The following CKAP5 variants were observed in gnomAD, a reference collection of about 807,000 sequenced individuals.
CKAP5 encodes cytoskeleton-associated protein 5.
Under a neutral mutation model 232.8 loss-of-function variants are expected in CKAP5, and 27 were observed. That is an observed-to-expected ratio of 0.12 (90% CI 0.09 to 0.16). The LOEUF (loss-of-function observed/expected upper bound fraction) is 0.16, where lower values mean the gene tolerates loss of function less well. CKAP5 is among the 10% of genes least tolerant of loss of function. The pLI is 1.00. For synonymous variants in CKAP5, 785 were observed against 841.1 expected, an observed-to-expected ratio of 0.93 and a Z score of 1.16; for missense variants, 1,838 against 2,424.7, an observed-to-expected ratio of 0.76 and a Z score of 5.08.
At chr11:46,840,763 G>A (rs1210865480) in intron 1 of CKAP5, among the ~76,000 whole-genome samples, 1 of 152,142 alleles carries the variant, frequency 6.6e-6, no homozygotes, top group East Asian at 1.9e-4. Context: ...GCTGGAAAAT[G>A]TGTTTTCCTG....
intron 1 of CKAP5, among the ~76,000 whole-genome samples, chr11:46,828,298 T>C (rs1350248106): frequency 6.6e-6 from 1 of 152,126 alleles, no homozygotes; most frequent in Non-Finnish European, 1.5e-5. Context: ...AAGTAAAAAA[T>C]GGATTCAGAT....
intron 7 of CKAP5, among the ~76,000 whole-genome samples, chr11:46,808,604 A>G (rs192995806): frequency 1.1e-3 from 162 of 152,330 alleles, no homozygotes; most frequent in Non-Finnish European, 4.7e-4. Flanking sequence ...TTGTTCATAT[A>G]TATAAATTTT....
At chr11:46,752,217 C>CACACACAT (rs1699614491) in intron 38 of CKAP5, among the ~76,000 whole-genome samples, 3 of 123,890 alleles carry the variant, frequency 2.4e-5, no homozygotes, top group Admixed American at 9.1e-5. Context: ...CACACACACA[C>CACACACAT]ACACACACAC....
At chr11:46,821,395 A>C in intron 1 of CKAP5, 127 bp from the exon 2 acceptor site, 1 of 442,422 alleles carries the variant, frequency 2.3e-6, no homozygotes, top group Non-Finnish European at 4.0e-6. Flanking sequence ...CTTTCGTCAG[A>C]TCCCCACTTA....
chr11:46,745,976 A>G (rs866571930), intron 42 of CKAP5, among the ~76,000 whole-genome samples: 3 of 152,198 alleles, frequency 2.0e-5, no homozygotes, highest in South Asian at 4.2e-4. Flanking sequence ...AAATAAAAAC[A>G]CTTGTAAAGT....
rs1450953793 is a variant in CKAP5, at chr11:46,750,381, T to C, written c.5597A>G (p.Glu1866Gly). ...CTGTGAGGAATTTTTCAGAAATGGT[T>C]CAATGTCAGCATCTGAGTATTTCTT... The part of the protein sequence containing the change: ...YKKKYSDADI[E>G]PFLKNSSQFF... Residue 1866 changes from glutamate (E) to glycine (G), a missense_variant, in exon 42 of 44, where the codon GAA (glutamate) becomes GGA (glycine). This residue lies in a region of CKAP5 where 579 missense variants were observed against 843.2 expected (regional missense o/e 0.69). Transcript: ENST00000529230. 2 of 1,614,132 alleles carry C rather than the reference T, an allele frequency of 1.2e-6. No homozygotes were observed. Among genetic ancestry groups the C allele is most frequent in the Non-Finnish European group, 1.7e-6 (2 of 1,179,984 alleles).
chr11:46,829,864 G>C (rs941337476), intron 1 of CKAP5, among the ~76,000 whole-genome samples: 1 of 151,550 alleles, frequency 6.6e-6, no homozygotes, highest in Non-Finnish European at 1.5e-5. Flanking sequence ...GTGTGTGTGT[G>C]TGTGTGTGTG....
intron 5 of CKAP5, 71 bp from the exon 6 acceptor site, chr11:46,809,945 TTTA>T: frequency 5.6e-6 from 8 of 1,420,994 alleles, no homozygotes; most frequent in Non-Finnish European, 6.7e-6. Context: ...AATACTTACA[TTTA>T]TTGACATATC....
rs1361892800 is a variant in CKAP5 at position 46,760,789 on chromosome 11, A to G, written c.4222-5T>C. 1 of 1,610,824 alleles carries G rather than the reference A, an allele frequency of 6.2e-7. No individual in the cohort carries two copies. Among genetic ancestry groups the G allele is most frequent in the Non-Finnish European group, 8.5e-7 (1 of 1,178,780 alleles). On this transcript the variant is annotated splice_region_variant and splice_polypyrimidine_tract_variant and intron_variant, in intron 32 of 43. Transcript: ENST00000529230. ...GCTCATATCCTTTTCAGAAAGCTGT[A>G]AAGAGGCCAAATTTAGAAACCTAAC...
At chr11:46,798,030 A>C in intron 10 of CKAP5, 53 bp downstream of exon 10, 1 of 1,604,332 alleles carries the variant, frequency 6.2e-7, no homozygotes, top group East Asian at 2.2e-5. Flanking sequence ...TCAAAATATT[A>C]TATTTACAAA....
chr11:46,817,244 A>G (rs1021764247), intron 3 of CKAP5, among the ~76,000 whole-genome samples: 10 of 152,182 alleles, frequency 6.6e-5, no homozygotes, highest in African/African-American at 2.4e-4. Context: ...CCTCCTGAGT[A>G]GCTAGGACTA....
chr11:46,764,018 C>T (rs1424556143), intron 28 of CKAP5, among the ~76,000 whole-genome samples: 4 of 151,990 alleles, frequency 2.6e-5, no homozygotes, highest in Middle Eastern at 3.2e-3. Flanking sequence ...AAATTTTTTT[C>T]GTAGAGATGA....
In CKAP5 at chr11:46,763,515, T is replaced by C. The variant is rs369273731; in HGVS notation, c.3653A>G (p.Gln1218Arg). 1.2e-6 allele frequency: 2 copies of C among 1,603,724 alleles called. No homozygotes were observed. Among genetic ancestry groups the C allele is most frequent in the Non-Finnish European group, 1.7e-6 (2 of 1,176,720 alleles). Residue 1218 changes from glutamine to arginine, a missense_variant, in exon 29 of 44, where the codon CAG becomes CGG. Around this residue, in one of 6 missense-constraint regions of CKAP5, gnomAD observed 767 missense variants for 954.6 expected, o/e 0.80. Transcript: ENST00000529230. ...LQDEMFHSDF[Q>R]HHNKALAVMV... is the part of the protein sequence containing the mutation. ...AACAGCAAGGGCTTTGTTATGATGC[T>C]GAAAGTCTGAGTGAAACATCTCATC...
chr11:46,762,251 T>C (rs2134591428), intron 31 of CKAP5, 58 bp from the exon 32 acceptor site: 12 of 1,528,702 alleles, frequency 7.8e-6, no homozygotes, highest in Non-Finnish European at 9.0e-6. Context: ...CAGAGACTTA[T>C]CCTTACTAGA....
chr11:46,760,940 G>A (rs1364855919), intron 32 of CKAP5, among the ~76,000 whole-genome samples, 156 bp from the exon 33 acceptor site: 2 of 152,120 alleles, frequency 1.3e-5, no homozygotes, highest in South Asian at 2.1e-4. Context: ...GCTGCTATAG[G>A]AAGAGGAGAT....
chr11:46,789,894 G>A (rs771118046), intron 15 of CKAP5, among the ~76,000 whole-genome samples, 182 bp downstream of exon 15: 41 of 152,090 alleles, frequency 2.7e-4, no homozygotes, highest in Middle Eastern at 3.2e-3. Context: ...GAATACTGAT[G>A]TTTAAAGATA....
At chr11:46,791,782 G>A (rs1194658575) in intron 13 of CKAP5, among the ~76,000 whole-genome samples, 1 of 152,174 alleles carries the variant, frequency 6.6e-6, no homozygotes, top group Non-Finnish European at 1.5e-5. Context: ...AATGTACACA[G>A]CAAATGATAA....
At chr11:46,771,317 T>C (rs1003208594) in intron 24 of CKAP5, among the ~76,000 whole-genome samples, 2 of 152,256 alleles carry the variant, frequency 1.3e-5, no homozygotes, top group African/African-American at 4.8e-5. Flanking sequence ...AAAGCACTTA[T>C]TGTGATCAGA....
chr11:46,794,480 G>T (rs1016958224), intron 13 of CKAP5, among the ~76,000 whole-genome samples: 4 of 143,986 alleles, frequency 2.8e-5, no homozygotes, highest in Admixed American at 7.2e-5. Flanking sequence ...AATGGGCAAA[G>T]AACTTGAGTA....
Sources: gnomAD v4.1 joint callset for allele counts (sites outside exome capture counted in the v4.1 genomes callset) on GRCh38, gnomAD v4.1.1 for gene constraint, gnomAD v4.1.1 regional missense constraint, MANE v1.5 for transcripts, NCBI Gene and HGNC (gene_info 2026-07-23, HGNC 2026-07-21) for gene names.